The following SLC39A14 variants were observed in gnomAD, a reference collection of about 807,000 sequenced individuals.
SLC39A14 encodes the protein solute carrier family 39 member 14.
In SLC39A14, 19 loss-of-function variants were observed where a neutral mutation model predicts 45.5. The ratio of observed to expected loss-of-function variants is 0.42; its 90% CI spans 0.29 to 0.61. The LOEUF (loss-of-function observed/expected upper bound fraction) is 0.61, where lower values mean the gene tolerates loss of function less well. Among genes scored for constraint, SLC39A14 ranks in the 20% least tolerant of loss-of-function variants. SLC39A14 has a pLI of 0.22. For synonymous variants in SLC39A14, 264 were observed against 251.3 expected (o/e 1.05, Z -0.48); for missense variants, 447 against 616.5 (o/e 0.73, Z 2.91).
rs1171341802 is a variant in SLC39A14, at chr8:22,371,503, G to A, written c.-16+4095G>A. Among the ~76,000 whole-genome samples, 3 of 142,384 alleles carry A rather than the reference G, an allele frequency of 2.1e-5. No individual in the cohort carries two copies. In the East Asian group the frequency reaches 6.1e-4, roughly 29 times the overall value. 93.4% of individuals were successfully genotyped at this position (142,384 alleles called of 152,430 possible). On this transcript the variant is annotated intron_variant, in intron 1 of 8. Transcript: ENST00000381237. ...GGCTGGAGTGCAGTGGTGCGATCTC[G>A]GCTCACTGCAACCTCTGCCTCCTGG...
At chr8:22,429,377 CT>C (rs1308314798) in intron 8 of SLC39A14, among the ~76,000 whole-genome samples, 2 of 152,344 alleles carry the variant, frequency 1.3e-5, no homozygotes, top group African/African-American at 4.8e-5. Flanking sequence ...TGTTTAACCT[CT>C]CTGCACCTCA....
intron 1 of SLC39A14, among the ~76,000 whole-genome samples, chr8:22,370,847 G>T (rs898860070): frequency 2.0e-5 from 3 of 152,210 alleles, no homozygotes; most frequent in Admixed American, 6.5e-5. Flanking sequence ...CTCACCGGGT[G>T]TCTGCAGTGG....
chr8:22,422,458 CA>C lies in SLC39A14; in HGVS notation c.*2762del. On this transcript the variant is annotated 3_prime_UTR_variant, in exon 9 of 9. Transcript: ENST00000381237. ...AGTAAGTCCTCTTCCAAAGAGATGG[CA>C]ATATGCTGGGCATCTACTTTAAAAC... 2 of 985,840 alleles carry C rather than the reference CA, an allele frequency of 2.0e-6. No homozygotes were observed. Among genetic ancestry groups the C allele is most frequent in the Non-Finnish European group, 2.4e-6 (2 of 829,940 alleles). The allele number at this position is 985,840 out of a possible 1,614,324, so 61.1% of individuals were successfully genotyped here. A position where few individuals can be genotyped will look rare whatever the true frequency, so the allele number is the denominator to read the frequency against.
chr8:22,396,008 A>G (rs149041326), intron 1 of SLC39A14, among the ~76,000 whole-genome samples: 1 of 152,112 alleles, frequency 6.6e-6, no homozygotes, highest in Non-Finnish European at 1.5e-5. Flanking sequence ...CTATTCAGGG[A>G]TTTAGTCCCT....
intron 8 of SLC39A14, among the ~76,000 whole-genome samples, chr8:22,431,402 T>C (rs1836465118): frequency 6.6e-6 from 1 of 152,266 alleles, no homozygotes; most frequent in Non-Finnish European, 1.5e-5. Context: ...TCTACAGTTC[T>C]CTTACCTGCA....
At chr8:22,415,711 C>G in intron 5 of SLC39A14, 58 bp from the exon 6 acceptor site, 1 of 1,528,874 alleles carries the variant, frequency 6.5e-7, no homozygotes, top group Non-Finnish European at 8.9e-7. Context: ...AGCAGGTGCT[C>G]AATCAGGTTT....
rs1449760819 is a variant in SLC39A14 at position 22,390,685 on chromosome 8, C to CGAA, written c.-15-14011_-15-14010insGAA. The CGAA allele has an allele frequency of 1.3e-3, 215 of 160,404 alleles. 2 individuals carry two copies. Among genetic ancestry groups the CGAA allele is most frequent in the African/African-American group, 5.0e-3 (208 of 41,572 alleles). 9.9% of individuals were successfully genotyped at this position (160,404 alleles called of 1,614,324 possible). A position where few individuals can be genotyped will look rare whatever the true frequency, so the allele number is the denominator to read the frequency against. ...TCAAATTGCTGGAAGATGGTGGTTC[C>CGAA]AGCTGAAAGGCTTTTTAAAATTTTT... is the stretch of plus-strand genomic sequence containing the variant. On this transcript the variant is annotated intron_variant, in intron 1 of 8. Transcript: ENST00000381237.
At chr8:22,397,304 C>T (rs1001751663) in intron 1 of SLC39A14, among the ~76,000 whole-genome samples, 6 of 152,038 alleles carry the variant, frequency 3.9e-5, no homozygotes, top group African/African-American at 9.7e-5. Flanking sequence ...CCTGGCCGGG[C>T]GCGGTGGCTC....
At chr8:22,404,426 C>CA (rs1338825974) in intron 1 of SLC39A14, 2,000 of 118,612 alleles carry the variant, frequency 0.017, 6 homozygotes, top group African/African-American at 0.029. Flanking sequence ...TCTCCCGTCT[C>CA]AAAAAAAAAA....
intron 1 of SLC39A14, among the ~76,000 whole-genome samples, chr8:22,386,141 T>C (rs7846557): frequency 0.58 from 87,313 of 151,830 alleles, 26,516 homozygotes; most frequent in African/African-American, 0.78. Flanking sequence ...CGGGGTTTCA[T>C]TATATGTTGG....
At chr8:22,409,235 C>T (rs148904093) in intron 3 of SLC39A14, among the ~76,000 whole-genome samples, 2 of 152,330 alleles carry the variant, frequency 1.3e-5, no homozygotes, top group Admixed American at 6.5e-5. Context: ...GGGCTTGCCA[C>T]GAGCTGTGAG....
At chr8:22,395,168 C>G (rs1834316428) in intron 1 of SLC39A14, among the ~76,000 whole-genome samples, 1 of 152,020 alleles carries the variant, frequency 6.6e-6, no homozygotes, top group African/African-American at 2.4e-5. Flanking sequence ...CGCCACCACA[C>G]CTGACTAATT....
intron 1 of SLC39A14, among the ~76,000 whole-genome samples, chr8:22,371,148 G>A (rs1219136210): frequency 6.6e-6 from 1 of 152,208 alleles, no homozygotes; most frequent in Non-Finnish European, 1.5e-5. Flanking sequence ...CCACAGAATT[G>A]GCCTGCCCAA....
At chr8:22,425,534 C>CTT (rs34521121), downstream of SLC39A14, among the ~76,000 whole-genome samples, 220 of 144,528 alleles carry the variant, frequency 1.5e-3, 3 homozygotes, top group East Asian at 0.012. Context: ...TTTCGGCTGA[C>CTT]TTTTTTTTTT....
At position 22,394,519 on chromosome 8, in the gene SLC39A14, T is replaced by C. The variant is rs895276171; in HGVS notation, c.-15-10177T>C. Among the ~76,000 whole-genome samples, 14 of 150,370 alleles carry C rather than the reference T, an allele frequency of 9.3e-5. No homozygotes were observed. In the East Asian group the frequency reaches 1.4e-3, roughly 15 times the overall value. On this transcript the variant is annotated intron_variant, in intron 1 of 8. Coordinates refer to ENST00000381237, the MANE Select transcript of SLC39A14 (RefSeq NM_001128431.4). ...TATTTTTAGTAGAGACGGGGTTTCA[T>C]CGTGTTAGCCAGGATGGTCTTGATC...
intron 1 of SLC39A14, among the ~76,000 whole-genome samples, chr8:22,375,209 A>C (rs1005283620): frequency 6.9e-6 from 1 of 145,506 alleles, no homozygotes; most frequent in Admixed American, 7.0e-5. Flanking sequence ...AAACTGTAAT[A>C]GATGTGATTA....
Position 22,417,649 on chromosome 8 carries a change from A to G in SLC39A14, c.1148-2A>G, listed in dbSNP as rs758920666. Reference sequence around the variant, plus strand: ...CTCCCCTTTTCATTCTCGCTGCTGTAGGAGACTTTGTCATCCTGCTCAACG... The same window carrying G: ...CTCCCCTTTTCATTCTCGCTGCTGTGGGAGACTTTGTCATCCTGCTCAACG... On this transcript the variant is annotated splice_acceptor_variant, in intron 7 of 8. Transcript: ENST00000381237. LOFTEE classifies it high-confidence loss of function. 6.2e-7 allele frequency: 1 copy of G among 1,612,340 alleles called. No individual in the cohort carries two copies. The highest frequency in any genetic ancestry group is 8.5e-7 in the Non-Finnish European group (1 of 1,179,202).
chr8:22,388,557 G>A (rs1284043487), intron 1 of SLC39A14, among the ~76,000 whole-genome samples: 1 of 152,048 alleles, frequency 6.6e-6, no homozygotes, highest in Non-Finnish European at 1.5e-5. Context: ...GGGTGGGGAG[G>A]GGCGGTGATG....
chr8:22,409,988 C>T, intron 3 of SLC39A14: 2 of 1,614,110 alleles, frequency 1.2e-6, no homozygotes, highest in East Asian at 2.2e-5. Flanking sequence ...ATTAACCTGG[C>T]CTCTCTCCTG....
Sources: gnomAD v4.1 joint callset for allele counts (sites outside exome capture counted in the v4.1 genomes callset) on GRCh38, gnomAD v4.1.1 for gene constraint, MANE v1.5 for transcripts, NCBI Gene and HGNC (gene_info 2026-07-23, HGNC 2026-07-21) for gene names.